PAM: variants seen among roughly 807,000 people sequenced by gnomAD.
The protein encoded by PAM is peptidylglycine alpha-amidating monooxygenase, also known as peptidyl-glycine alpha-amidating monooxygenase.
In PAM, 72 loss-of-function variants were observed where a neutral mutation model predicts 122.1. The observed-to-expected ratio is 0.59, with a 90% CI of 0.49 to 0.72. The LOEUF (loss-of-function observed/expected upper bound fraction) is 0.72. Ranked by LOEUF, PAM falls within the 30% of genes least tolerant of loss-of-function variation. PAM has a pLI of 0.00. For synonymous variants in PAM, 389 were observed against 404.4 expected, an observed-to-expected ratio of 0.96 and a Z score of 0.46; for missense variants, 1,106 against 1,183.7, an observed-to-expected ratio of 0.93 and a Z score of 0.96.
intron 4 of PAM, among the ~76,000 whole-genome samples, chr5:102,910,505 C>A (rs1438854186): frequency 2.0e-5 from 3 of 151,812 alleles, no homozygotes; most frequent in African/African-American, 4.8e-5. Context: ...ATAAAATGTT[C>A]GCTGATCTCA....
intron 1 of PAM, among the ~76,000 whole-genome samples, chr5:102,758,083 T>G (rs867072659): frequency 1.3e-4 from 6 of 45,638 alleles, no homozygotes; most frequent in African/African-American, 1.5e-4. Context: ...GTTTTTTTTT[T>G]TTTTTTTTTT....
chr5:102,786,203 G>A (rs1294086066), intron 1 of PAM, among the ~76,000 whole-genome samples: 3 of 152,202 alleles, frequency 2.0e-5, no homozygotes, highest in Non-Finnish European at 4.4e-5. Context: ...TGTCATGTAA[G>A]CTCACAGATC....
At chr5:102,841,426 C>G (rs1778590785) in intron 1 of PAM, among the ~76,000 whole-genome samples, 1 of 151,866 alleles carries the variant, frequency 6.6e-6, no homozygotes, top group Admixed American at 6.6e-5. Context: ...CACACACACA[C>G]ACACACACAC....
intron 16 of PAM, among the ~76,000 whole-genome samples, chr5:103,000,220 A>G (rs1377815691): frequency 6.6e-6 from 1 of 152,178 alleles, no homozygotes; most frequent in Non-Finnish European, 1.5e-5. Context: ...ATCTCTCTTC[A>G]GTTCAAAGTT....
chr5:102,985,337 G>A (rs545128491), intron 15 of PAM, among the ~76,000 whole-genome samples: 3 of 151,914 alleles, frequency 2.0e-5, no homozygotes, highest in Non-Finnish European at 4.4e-5. Flanking sequence ...CCAAGAAAAA[G>A]AGGGAAGATT....
chr5:102,995,348 A>G (rs1775370780), intron 16 of PAM, among the ~76,000 whole-genome samples: 1 of 152,050 alleles, frequency 6.6e-6, no homozygotes, highest in South Asian at 2.1e-4. Flanking sequence ...TATTTTCTCT[A>G]GTTCTTCTTG....
chr5:102,903,955 A>G (rs1356053582), intron 4 of PAM, among the ~76,000 whole-genome samples: 2 of 151,542 alleles, frequency 1.3e-5, no homozygotes, highest in Non-Finnish European at 1.5e-5. Context: ...TAAACCTCAA[A>G]CCATCTTAAC....
chr5:102,900,271 G>A (rs1273086294), intron 3 of PAM, among the ~76,000 whole-genome samples: 4 of 100,538 alleles, frequency 4.0e-5, no homozygotes, highest in African/African-American at 1.7e-4. Flanking sequence ...GGGGCGGGGG[G>A]AAGAGGGTAG....
Position 102,974,138 on chromosome 5 carries a change from C to T in PAM, c.1185C>T (p.Ser395=). ...CAGGTGATTTCTATTCACTACTTTCCAAGCTGCTAGGAGAAAGGGAAGATG... is the reference window on the plus strand; with the variant it reads ...CAGGTGATTTCTATTCACTACTTTCTAAGCTGCTAGGAGAAAGGGAAGATG... The part of the protein sequence containing the change: ...LDQGDFYSLL[S]KLLGEREDVV... Residue 395 remains serine, a synonymous_variant, in exon 15 of 26, where the codon TCC becomes TCT. Coordinates refer to ENST00000438793, the MANE Select transcript of PAM (RefSeq NM_001177306.2). 6.2e-7 allele frequency: 1 copy of T among 1,612,948 alleles called. No individual in the cohort carries two copies. Among genetic ancestry groups the T allele is most frequent in the Non-Finnish European group, 8.5e-7 (1 of 1,179,176 alleles).
intron 1 of PAM, among the ~76,000 whole-genome samples, chr5:102,837,069 G>A (rs564219517): frequency 8.5e-5 from 13 of 152,278 alleles, no homozygotes; most frequent in African/African-American, 2.9e-4. Context: ...TCTGCCCAGA[G>A]TTGAAGCCAA....
Position 102,982,725 on chromosome 5 carries a change from T to C in PAM, c.1484-7547T>C, listed in dbSNP as rs1261207196. 5.3e-5 allele frequency among the ~76,000 whole-genome samples: 8 copies of C among 152,116 alleles called. No homozygotes were observed. In the East Asian group the frequency reaches 1.5e-3, roughly 29 times the overall value. On this transcript the variant is annotated intron_variant, in intron 15 of 25. Coordinates refer to ENST00000438793, the MANE Select transcript of PAM (RefSeq NM_001177306.2). ...TATAGTTCATCTATAAAGAAAAACA[T>C]TTTTCCTTATGAAACCCAATCTATA...
At position 102,949,600 on chromosome 5, in the gene PAM, T is replaced by C. The variant is rs1758108894; in HGVS notation, c.707T>C (p.Val236Ala). The change falls in exon 10 of 26, where the codon GTT becomes GCT. Residue 236 changes from valine to alanine, a missense_variant. Transcript: ENST00000438793. ...CCAATGCATGTCTTTGCCTATAGAG[T>C]TCACACTCACCATTTAGGTAAGAAC... ...NYPMHVFAYR[V>A]HTHHLGKVVS... 2.0e-6 allele frequency: 3 copies of C among 1,469,056 alleles called. No homozygotes were observed. The highest frequency in any genetic ancestry group is 2.9e-6 in the Non-Finnish European group (3 of 1,048,194). 91.0% of individuals were successfully genotyped at this position (1,469,056 alleles called of 1,614,324 possible). A position where few individuals can be genotyped will look rare whatever the true frequency, so the allele number is the denominator to read the frequency against.
intron 14 of PAM, among the ~76,000 whole-genome samples, chr5:102,971,309 G>A (rs1199275925): frequency 2.6e-5 from 4 of 152,138 alleles, no homozygotes; most frequent in Non-Finnish European, 5.9e-5. Flanking sequence ...AATATTAGCT[G>A]TCTTCTTTAA....
At chr5:102,767,938 C>A (rs187972997) in intron 1 of PAM, among the ~76,000 whole-genome samples, 1 of 152,010 alleles carries the variant, frequency 6.6e-6, no homozygotes, top group Non-Finnish European at 1.5e-5. Flanking sequence ...GTGCTGGGAC[C>A]AGGATTTGAA....
chr5:102,817,754 C>A (rs997994745), intron 1 of PAM, among the ~76,000 whole-genome samples: 2 of 152,058 alleles, frequency 1.3e-5, no homozygotes, highest in African/African-American at 4.8e-5. Context: ...TCTCTCCTCT[C>A]CTCAAAACAC....
chr5:102,818,429 C>T (rs965333247), intron 1 of PAM, among the ~76,000 whole-genome samples: 1 of 151,798 alleles, frequency 6.6e-6, no homozygotes, highest in Non-Finnish European at 1.5e-5. Flanking sequence ...GAAAATGTAG[C>T]ATACCAGTTA....
At chr5:102,754,950 G>A (rs1749677574), upstream of PAM, 1 of 152,434 alleles carries the variant, frequency 6.6e-6, no homozygotes, top group East Asian at 1.9e-4. Flanking sequence ...CCGCGCGTGA[G>A]TTCAGACACC....
intron 1 of PAM, among the ~76,000 whole-genome samples, chr5:102,805,466 G>GT: frequency 6.6e-6 from 1 of 152,078 alleles, no homozygotes. Flanking sequence ...GGAAAGAAGT[G>GT]TTTTTTTCTG....
chr5:102,870,044 A>T (rs185476517), intron 3 of PAM, among the ~76,000 whole-genome samples: 1 of 152,258 alleles, frequency 6.6e-6, no homozygotes, highest in Non-Finnish European at 1.5e-5. Flanking sequence ...TCATAAAAGA[A>T]TAGAGGTTGA....
Sources: gnomAD v4.1 joint callset for allele counts (sites outside exome capture counted in the v4.1 genomes callset) on GRCh38, gnomAD v4.1.1 for gene constraint, MANE v1.5 for transcripts, NCBI Gene and HGNC (gene_info 2026-07-23, HGNC 2026-07-21) for gene names.